Variants in PDE4B observed in about 807,000 individuals in gnomAD.
The protein encoded by PDE4B is phosphodiesterase 4B.
PDE4B carries 20 observed loss-of-function variants against 82.2 expected under a neutral mutation model. The observed-to-expected ratio is 0.24, with a 90% CI of 0.17 to 0.35. PDE4B has a LOEUF of 0.35. Ranked by LOEUF, PDE4B falls within the 10% of genes least tolerant of loss-of-function variation. The pLI is 1.00. For synonymous variants in PDE4B, 320 were observed against 318.9 expected (o/e 1.00, Z -0.04); for missense variants, 655 against 907.2 (o/e 0.72, Z 3.57).
At chr1:65,998,590 C>T (rs141870188) in intron 3 of PDE4B, among the ~76,000 whole-genome samples, 3 of 151,862 alleles carry the variant, frequency 2.0e-5, no homozygotes, top group African/African-American at 2.4e-5. Flanking sequence ...TTGTATATCC[C>T]GTAACATTGA....
intron 4 of PDE4B, among the ~76,000 whole-genome samples, chr1:66,255,544 A>T (rs982850055): frequency 3.9e-5 from 6 of 152,200 alleles, no homozygotes; most frequent in African/African-American, 1.4e-4. Flanking sequence ...CATCTTAATA[A>T]GCGTGTTCAG....
intron 1 of PDE4B, among the ~76,000 whole-genome samples, chr1:65,890,045 A>G (rs899877422): frequency 6.6e-6 from 1 of 152,074 alleles, no homozygotes; most frequent in Admixed American, 6.6e-5. Context: ...AAAATATCCT[A>G]TCTGTACCAC....
chr1:66,142,069 T>C (rs1210393021), intron 3 of PDE4B, among the ~76,000 whole-genome samples: 1 of 152,030 alleles, frequency 6.6e-6, no homozygotes, highest in Non-Finnish European at 1.5e-5. Context: ...TTAAAGAAAA[T>C]GTTATTAAGA....
intron 3 of PDE4B, among the ~76,000 whole-genome samples, chr1:66,066,783 A>G (rs1655873624): frequency 6.6e-6 from 1 of 151,952 alleles, no homozygotes; most frequent in African/African-American, 2.4e-5. Context: ...TTGGCTTTTT[A>G]GTTTCAAAGG....
intron 6 of PDE4B, among the ~76,000 whole-genome samples, chr1:66,264,231 T>C (rs770133512): frequency 4.6e-5 from 7 of 152,148 alleles, no homozygotes; most frequent in Non-Finnish European, 7.3e-5. Context: ...GGGAAAAGGA[T>C]GTTGGGGCTA....
chr1:66,045,449 A>G (rs1654650313), intron 3 of PDE4B, among the ~76,000 whole-genome samples: 1 of 151,734 alleles, frequency 6.6e-6, no homozygotes, highest in African/African-American at 2.4e-5. Flanking sequence ...AAGTTTCCTC[A>G]AATATCTCTT....
intron 7 of PDE4B, chr1:66,332,243 T>C: frequency 6.9e-7 from 1 of 1,452,526 alleles, no homozygotes; most frequent in Non-Finnish European, 9.0e-7. Context: ...GCCTTCTTCC[T>C]CAGAGGAAGT....
intron 8 of PDE4B, among the ~76,000 whole-genome samples, chr1:66,334,223 A>C (rs1244312607): frequency 6.6e-6 from 1 of 152,226 alleles, no homozygotes; most frequent in African/African-American, 2.4e-5. Flanking sequence ...TAGTCACCAA[A>C]ATATACTAAC....
At chr1:66,086,121 C>G (rs892486702) in intron 3 of PDE4B, among the ~76,000 whole-genome samples, 2 of 147,852 alleles carry the variant, frequency 1.4e-5, no homozygotes, top group Admixed American at 6.8e-5. Context: ...GGTTCAATGT[C>G]TCTCCACTCC....
rs575821083 is a variant in PDE4B at position 66,007,452 on chromosome 1, C to G, written c.281+88617C>G. ...GAACAAGAAAAACGAACAAAACAAC[C>G]CCCCCCAACCAAAACCAAACAAATG... is the stretch of plus-strand genomic sequence containing the variant. On this transcript the variant is annotated intron_variant, in intron 3 of 16. Coordinates refer to ENST00000341517, the MANE Select transcript of PDE4B (RefSeq NM_002600.4). Among the ~76,000 whole-genome samples, 422 of 151,816 alleles carry G rather than the reference C, an allele frequency of 2.8e-3. 1 individual carries two copies. Among genetic ancestry groups the G allele is most frequent in the Non-Finnish European group, 4.9e-3 (336 of 67,896 alleles).
intron 7 of PDE4B, among the ~76,000 whole-genome samples, chr1:66,304,500 C>T (rs995508154): frequency 6.6e-6 from 1 of 152,012 alleles, no homozygotes; most frequent in Non-Finnish European, 1.5e-5. Flanking sequence ...CTGAACAGTC[C>T]CTCATATTTA....
At chr1:66,081,807 ACTCTCT>A (rs72513051) in intron 3 of PDE4B, among the ~76,000 whole-genome samples, 3,506 of 140,662 alleles carry the variant, frequency 0.025, 53 homozygotes, top group Non-Finnish European at 0.03. Flanking sequence ...GAAAAGTAAA[ACTCTCT>A]CTCTCTCTCT....
At chr1:66,203,488 CA>C in intron 3 of PDE4B, among the ~76,000 whole-genome samples, 1 of 152,306 alleles carries the variant, frequency 6.6e-6, no homozygotes, top group South Asian at 2.1e-4. Context: ...GTACACCAAT[CA>C]GACGTAGATT....
intron 3 of PDE4B, among the ~76,000 whole-genome samples, chr1:65,930,034 C>T (rs898602481): frequency 6.6e-6 from 1 of 152,122 alleles, no homozygotes; most frequent in African/African-American, 2.4e-5. Context: ...ATACAAAGTC[C>T]CACAATAAGC....
intron 3 of PDE4B, among the ~76,000 whole-genome samples, chr1:66,094,133 G>T (rs1645073806): frequency 6.6e-6 from 1 of 152,012 alleles, no homozygotes; most frequent in South Asian, 2.1e-4. Flanking sequence ...CCTCCCTGAG[G>T]CAGTGAAATC....
In PDE4B at chr1:65,853,534, T is replaced by C. The variant is rs562189990; in HGVS notation, c.-70-59711T>C. Among the ~76,000 whole-genome samples the C allele has an allele frequency of 5.3e-5, 8 of 152,026 alleles. No individual in the cohort carries two copies. The East Asian group carries it at 1.5e-3, about 29-fold the overall frequency. ...ATTAGCTTATGCATTATAACCCTTT[T>C]TTTTTTTTATTTTTGAGACGGAGTC... is the stretch of plus-strand genomic sequence containing the variant. On this transcript the variant is annotated intron_variant, in intron 1 of 16. Transcript: ENST00000341517.
intron 3 of PDE4B, among the ~76,000 whole-genome samples, chr1:66,088,160 A>G (rs113625506): frequency 4.0e-3 from 602 of 150,948 alleles, no homozygotes; most frequent in African/African-American, 0.013. Flanking sequence ...GCCTGTGTGA[A>G]GCAGAGAAGA....
At chr1:66,056,581 T>C (rs1353059736) in intron 3 of PDE4B, among the ~76,000 whole-genome samples, 3 of 151,880 alleles carry the variant, frequency 2.0e-5, no homozygotes, top group African/African-American at 7.3e-5. Context: ...GAAGAAACTT[T>C]GTGGATGTGA....
intron 3 of PDE4B, among the ~76,000 whole-genome samples, chr1:66,164,259 C>T (rs532657634): frequency 5.3e-5 from 8 of 152,022 alleles, no homozygotes; most frequent in East Asian, 3.9e-4. Flanking sequence ...GCAATCAGGC[C>T]GGGCACAGTG....
Sources: gnomAD v4.1 joint callset for allele counts (sites outside exome capture counted in the v4.1 genomes callset) on GRCh38, gnomAD v4.1.1 for gene constraint, MANE v1.5 for transcripts, NCBI Gene and HGNC (gene_info 2026-07-23, HGNC 2026-07-21) for gene names.